ARAP2: variants seen among roughly 807,000 people sequenced by gnomAD.
The protein encoded by ARAP2 is ArfGAP with RhoGAP domain, ankyrin repeat and PH domain 2, also known as arf-GAP with Rho-GAP domain, ANK repeat and PH domain-containing protein 2.
A neutral mutation model predicts 194.5 loss-of-function variants in ARAP2; 148 were observed. The ratio of observed to expected loss-of-function variants is 0.76; its 90% CI spans 0.67 to 0.87. The LOEUF (loss-of-function observed/expected upper bound fraction) is 0.87, where lower values mean the gene tolerates loss of function less well. Ranked by LOEUF, ARAP2 falls within the 40% of genes least tolerant of loss-of-function variation. The pLI, the probability that ARAP2 is intolerant of heterozygous loss-of-function variation, is 0.00. For missense variants in ARAP2, 2,128 were observed against 1,989.7 expected, an observed-to-expected ratio of 1.07 and a Z score of -1.32; for synonymous variants, 695 against 683.5, an observed-to-expected ratio of 1.02 and a Z score of -0.26.
At chr4:36,238,695 T>C (rs551661278) in intron 1 of ARAP2, among the ~76,000 whole-genome samples, 95 of 152,334 alleles carry the variant, frequency 6.2e-4, no homozygotes, top group African/African-American at 2.2e-3. Flanking sequence ...TTACATTTAA[T>C]TGCCTGAGAG....
chr4:36,166,954 T>C lies in ARAP2; in HGVS notation c.1951A>G (p.Ile651Val). ...DRTVKQSFEI[I>V]TPYRSFSFTA... Reference sequence around the variant, plus strand: ...TACCTGAAACTCCTGTAGGGAGTGATTATTTCAAAAGATTGTTTCACAGTT... The same window carrying C: ...TACCTGAAACTCCTGTAGGGAGTGACTATTTCAAAAGATTGTTTCACAGTT... The change falls in exon 10 of 33, where the codon ATC becomes GTC. Residue 651 changes from isoleucine to valine, a missense_variant. Coordinates refer to ENST00000303965, the MANE Select transcript of ARAP2 (RefSeq NM_015230.4). 1.9e-6 allele frequency: 3 copies of C among 1,604,576 alleles called. No homozygotes were observed. The highest frequency in any genetic ancestry group is 2.6e-6 in the Non-Finnish European group (3 of 1,176,232).
chr4:36,092,057 GTT>G, intron 27 of ARAP2, 37 bp from the exon 28 acceptor site: 1 of 1,460,720 alleles, frequency 6.8e-7, no homozygotes, highest in African/African-American at 1.4e-5. Context: ...AGTTGGGTAC[GTT>G]TTTACTTATT....
At chr4:36,197,870 G>A (rs1473388511) in intron 6 of ARAP2, among the ~76,000 whole-genome samples, 1 of 152,174 alleles carries the variant, frequency 6.6e-6, no homozygotes, top group Non-Finnish European at 1.5e-5. Context: ...TGAGACTCCA[G>A]GAACTTAAGA....
intron 6 of ARAP2, among the ~76,000 whole-genome samples, chr4:36,194,970 C>A (rs1413233360): frequency 1.3e-5 from 2 of 151,156 alleles, no homozygotes; most frequent in Non-Finnish European, 2.9e-5. Context: ...GATCACTGGG[C>A]AACATGGCAA....
At position 36,080,354 on chromosome 4, in the gene ARAP2, T is replaced by C. The variant is rs902954262; in HGVS notation, c.4545-75A>G. ...TTCTCTAGTGTATCTGCTGAGTGAT[T>C]TGGTGATCAAAAATCTCTGGGTCTC... On this transcript the variant is annotated intron_variant, in intron 30 of 32. Coordinates refer to ENST00000303965, the MANE Select transcript of ARAP2 (RefSeq NM_015230.4). 9.7e-6 allele frequency: 12 copies of C among 1,239,190 alleles called. 1 individual carries two copies. The highest frequency in any genetic ancestry group is 2.6e-5 in the South Asian group (2 of 78,076). The allele number at this position is 1,239,190 out of a possible 1,614,324, so 76.8% of individuals were successfully genotyped here.
intron 20 of ARAP2, among the ~76,000 whole-genome samples, chr4:36,132,090 T>A (rs1245860144): frequency 6.6e-6 from 1 of 151,786 alleles, no homozygotes; most frequent in Non-Finnish European, 1.5e-5. Flanking sequence ...ATGCCTAAGT[T>A]TAATTTCTGA....
chr4:36,225,722 A>G (rs1174595087), intron 2 of ARAP2, among the ~76,000 whole-genome samples: 1 of 152,124 alleles, frequency 6.6e-6, no homozygotes, highest in East Asian at 1.9e-4. Flanking sequence ...AGAAAAACAA[A>G]GAGCCCTATG....
intron 5 of ARAP2, among the ~76,000 whole-genome samples, chr4:36,028,247 G>T (rs995810311): frequency 6.6e-6 from 1 of 152,086 alleles, no homozygotes; most frequent in African/African-American, 2.4e-5. Context: ...ATGGAAAAAT[G>T]TATGTAGCGT....
intron 30 of ARAP2, 152 bp from the exon 31 acceptor site, chr4:36,080,431 T>G (rs1729257645): frequency 3.1e-6 from 2 of 635,938 alleles, no homozygotes; most frequent in Admixed American, 5.9e-5. Flanking sequence ...TCAGTACAAG[T>G]TGTTTTGGTC....
At chr4:36,136,725 G>A (rs1318130082) in intron 19 of ARAP2, among the ~76,000 whole-genome samples, 1 of 151,276 alleles carries the variant, frequency 6.6e-6, no homozygotes, top group African/African-American at 2.4e-5. Context: ...GCCATGGAAA[G>A]GTAAGTCACA....
chr4:36,234,947 G>T (rs1184351562), intron 1 of ARAP2, among the ~76,000 whole-genome samples: 1 of 152,162 alleles, frequency 6.6e-6, no homozygotes, highest in Non-Finnish European at 1.5e-5. Flanking sequence ...CTGTGCATTT[G>T]CCCATGCTAT....
intron 27 of ARAP2, among the ~76,000 whole-genome samples, chr4:36,096,118 C>A (rs896697161): frequency 3.0e-4 from 45 of 152,016 alleles, no homozygotes; most frequent in Non-Finnish European, 1.6e-4. Context: ...AATCCCAGCA[C>A]TTTGGGAGGA....
intron 6 of ARAP2, among the ~76,000 whole-genome samples, chr4:36,208,953 T>C (rs1039397689): frequency 1.3e-5 from 2 of 152,076 alleles, no homozygotes; most frequent in African/African-American, 4.8e-5. Flanking sequence ...GAATGGAAAG[T>C]CAAAGTTCTG....
chr4:36,187,419 T>C (rs374652103), intron 8 of ARAP2, 32 bp downstream of exon 8: 95 of 1,196,914 alleles, frequency 7.9e-5, no homozygotes, highest in Non-Finnish European at 1.0e-4. Flanking sequence ...CAGAAATTAA[T>C]GTATTTCATA....
chr4:36,045,126 G>T (rs187416793), intron 5 of ARAP2, among the ~76,000 whole-genome samples: 1 of 152,292 alleles, frequency 6.6e-6, no homozygotes, highest in East Asian at 1.9e-4. Context: ...GTGGAAAACA[G>T]TATGGAGTTT....
intron 1 of ARAP2, among the ~76,000 whole-genome samples, chr4:36,233,380 G>C (rs1751875820): frequency 6.6e-6 from 1 of 151,562 alleles, no homozygotes; most frequent in African/African-American, 2.4e-5. Flanking sequence ...AACAACTGCT[G>C]TGGGTCCTAC....
chr4:36,100,961 G>A (rs761514576), intron 27 of ARAP2, among the ~76,000 whole-genome samples: 4 of 151,778 alleles, frequency 2.6e-5, no homozygotes, highest in Admixed American at 1.3e-4. Flanking sequence ...CATGGATGCC[G>A]CATCTGTCAA....
intron 5 of ARAP2, among the ~76,000 whole-genome samples, chr4:36,025,827 A>C (rs1717810685): frequency 6.6e-6 from 1 of 152,152 alleles, no homozygotes; most frequent in Non-Finnish European, 1.5e-5. Context: ...CATGACTAAG[A>C]AGTTTGGTCT....
intron 19 of ARAP2, among the ~76,000 whole-genome samples, chr4:36,133,842 T>A (rs1726026363): frequency 6.6e-6 from 1 of 151,828 alleles, no homozygotes; most frequent in African/African-American, 2.4e-5. Context: ...TCTCACTTCC[T>A]CTTTCTGAAT....
Sources: allele counts gnomAD v4.1 joint callset (sites outside exome capture counted in the v4.1 genomes callset), GRCh38; gene constraint gnomAD v4.1.1; transcripts MANE v1.5; gene names NCBI Gene and HGNC (gene_info 2026-07-23, HGNC 2026-07-21).